The following CDYL variants were observed in gnomAD, a reference collection of about 807,000 sequenced individuals.
The protein encoded by CDYL is chromodomain Y-like protein.
CDYL carries 8 observed loss-of-function variants against 47.3 expected under a neutral mutation model. The ratio of observed to expected loss-of-function variants is 0.17; its 90% CI spans 0.10 to 0.31. CDYL has a LOEUF of 0.31. Ranked by LOEUF, CDYL falls within the 10% of genes least tolerant of loss-of-function variation. CDYL has a pLI of 1.00. For synonymous variants in CDYL, 266 were observed against 265.0 expected, an observed-to-expected ratio of 1.00 and a Z score of -0.04; for missense variants, 471 against 701.4, an observed-to-expected ratio of 0.67 and a Z score of 3.71.
intron 2 of CDYL, among the ~76,000 whole-genome samples, chr6:4,910,967 G>A (rs1757396393): frequency 6.6e-6 from 1 of 152,094 alleles, no homozygotes. Context: ...CCGAGTAGCT[G>A]GGACTACAGG....
intron 3 of CDYL, among the ~76,000 whole-genome samples, chr6:4,742,705 G>T (rs886814178): frequency 9.8e-5 from 15 of 152,352 alleles, no homozygotes; most frequent in African/African-American, 3.6e-4. Flanking sequence ...TTCCTTGATT[G>T]AGCTGCTGCC....
intron 1 of CDYL, among the ~76,000 whole-genome samples, chr6:4,851,831 G>T (rs189076643): frequency 2.3e-4 from 35 of 152,322 alleles, no homozygotes; most frequent in Admixed American, 1.4e-3. Context: ...TTTGGGGAAT[G>T]GTCCAGGACT....
intron 1 of CDYL, among the ~76,000 whole-genome samples, chr6:4,887,834 C>G (rs956085236): frequency 6.8e-6 from 1 of 147,692 alleles, no homozygotes; most frequent in Non-Finnish European, 1.5e-5. Context: ...TTCATAGATT[C>G]CTTTTATTAA....
At chr6:4,896,113 G>A (rs1214042301) in intron 2 of CDYL, among the ~76,000 whole-genome samples, 1 of 152,204 alleles carries the variant, frequency 6.6e-6, no homozygotes. Flanking sequence ...CTAGTTAGAG[G>A]AAAATAGAAG....
intron 2 of CDYL, chr6:4,734,677 T>TG: frequency 6.4e-7 from 1 of 1,552,822 alleles, no homozygotes; most frequent in Non-Finnish European, 8.7e-7. Flanking sequence ...GATGGGAAGT[T>TG]GGGGGATGGG....
At chr6:4,879,187 A>G (rs905185747) in intron 1 of CDYL, among the ~76,000 whole-genome samples, 3 of 152,196 alleles carry the variant, frequency 2.0e-5, no homozygotes, top group Non-Finnish European at 4.4e-5. Context: ...CATTTTGTAA[A>G]TATCACTTAG....
chr6:4,920,726 C>G (rs1335036851), intron 2 of CDYL, among the ~76,000 whole-genome samples: 2 of 152,194 alleles, frequency 1.3e-5, no homozygotes, highest in Non-Finnish European at 1.5e-5. Context: ...TCAAGTGATT[C>G]TCCTGCCTCC....
intron 1 of CDYL, among the ~76,000 whole-genome samples, chr6:4,778,341 T>C (rs550609847): frequency 3.9e-5 from 6 of 152,366 alleles, no homozygotes; most frequent in African/African-American, 1.2e-4. Context: ...TAGCACCTTA[T>C]ACGTAAGTTG....
chr6:4,747,118 C>G (rs1757912058), intron 3 of CDYL, among the ~76,000 whole-genome samples: 1 of 152,068 alleles, frequency 6.6e-6, no homozygotes, highest in South Asian at 2.1e-4. Context: ...ACCAGCCTGG[C>G]CAACATGGTG....
chr6:4,829,612 C>G (rs368342030), intron 1 of CDYL, among the ~76,000 whole-genome samples: 1 of 152,192 alleles, frequency 6.6e-6, no homozygotes, highest in Non-Finnish European at 1.5e-5. Flanking sequence ...CAAAGAAACT[C>G]TCCTGCAGCT....
chr6:4,910,021 A>G (rs1408058915), intron 2 of CDYL, among the ~76,000 whole-genome samples: 1 of 132,884 alleles, frequency 7.5e-6, no homozygotes, highest in Non-Finnish European at 1.6e-5. Context: ...ATATATATAC[A>G]TATACACACA....
At chr6:4,806,201 G>A (rs987417309) in intron 1 of CDYL, among the ~76,000 whole-genome samples, 1 of 152,210 alleles carries the variant, frequency 6.6e-6, no homozygotes, top group East Asian at 1.9e-4. Context: ...AAAACCACAT[G>A]CTGGAGAAGA....
At position 4,739,191 on chromosome 6, in the gene CDYL, AAAAATAAAATAAAAT is replaced by A. The variant is rs560432926; in HGVS notation, c.186+4367_186+4381del. ...ATAAATAAATAAATAATTAAATAAT[AAAAATAAAATAAAAT>A]AAAATAAAATAAAATAAAAACAATG... On this transcript the variant is annotated intron_variant, in intron 3 of 8. Transcript: ENST00000328908. Among the ~76,000 whole-genome samples, 700 of 149,156 alleles carry A rather than the reference AAAAATAAAATAAAAT, an allele frequency of 4.7e-3. 7 individuals carry two copies. Among genetic ancestry groups the A allele is most frequent in the South Asian group, 0.016 (74 of 4,754 alleles).
At chr6:4,758,375 T>TATATATATATATATATATA (rs1758111843) in intron 3 of CDYL, among the ~76,000 whole-genome samples, 3 of 148,192 alleles carry the variant, frequency 2.0e-5, no homozygotes, top group African/African-American at 5.0e-5. Flanking sequence ...TATATATCTC[T>TATATATATATATATATATA]TTGTGGCCAG....
intron 3 of CDYL, among the ~76,000 whole-genome samples, chr6:4,767,023 A>G (rs1411267404): frequency 6.6e-6 from 1 of 152,072 alleles, no homozygotes; most frequent in East Asian, 1.9e-4. Flanking sequence ...AACAAGAAAG[A>G]AAAATTTCAG....
At chr6:4,863,723 A>G (rs1761239305) in intron 1 of CDYL, among the ~76,000 whole-genome samples, 2 of 152,244 alleles carry the variant, frequency 1.3e-5, no homozygotes, top group South Asian at 4.1e-4. Flanking sequence ...TGTAAGGCAT[A>G]TTTCTTGCAG....
intron 3 of CDYL, among the ~76,000 whole-genome samples, chr6:4,744,642 C>T (rs1322891645): frequency 1.3e-5 from 2 of 152,202 alleles, no homozygotes; most frequent in East Asian, 1.9e-4. Context: ...AAATTCTTTA[C>T]ATACCTTTAC....
At chr6:4,766,893 TG>T (rs1758262669) in intron 3 of CDYL, among the ~76,000 whole-genome samples, 1 of 151,708 alleles carries the variant, frequency 6.6e-6, no homozygotes, top group African/African-American at 2.4e-5. Flanking sequence ...CTCAGCTACT[TG>T]GGGGGAGCTG....
At chr6:4,890,832 C>G (rs909197148) in intron 1 of CDYL, among the ~76,000 whole-genome samples, 7 of 152,242 alleles carry the variant, frequency 4.6e-5, no homozygotes, top group Non-Finnish European at 4.4e-5. Context: ...ATGCTGCCCC[C>G]AGGATGCAAG....
Sources: gnomAD v4.1 joint callset for allele counts (sites outside exome capture counted in the v4.1 genomes callset) on GRCh38, gnomAD v4.1.1 for gene constraint, MANE v1.5 for transcripts, NCBI Gene and HGNC (gene_info 2026-07-23, HGNC 2026-07-21) for gene names.